Variants in CAPN11 observed in about 807,000 individuals in gnomAD.
CAPN11 encodes calpain 11, also known as calpain-11.
A neutral mutation model predicts 105.3 loss-of-function variants in CAPN11; 108 were observed. That is an observed-to-expected ratio of 1.03 (90% confidence interval 0.88 to 1.20). The LOEUF (loss-of-function observed/expected upper bound fraction) is 1.20, where lower values mean the gene tolerates loss of function less well. CAPN11 is among the 50% of genes most tolerant of loss of function. The probability of loss-of-function intolerance (pLI) is 0.00; values close to 1 mark genes in which losing one functional copy is unlikely to be tolerated. For synonymous variants in CAPN11, 329 were observed against 344.5 expected (o/e 0.96, Z 0.50); for missense variants, 883 against 924.8 (o/e 0.95, Z 0.59).
At chr6:44,179,308 T>C (rs955436161) in intron 12 of CAPN11, among the ~76,000 whole-genome samples, 1 of 151,878 alleles carries the variant, frequency 6.6e-6, no homozygotes, top group Non-Finnish European at 1.5e-5. Flanking sequence ...AGGAATTTTT[T>C]TTTTTTTTTT....
intron 1 of CAPN11, among the ~76,000 whole-genome samples, chr6:44,159,396 G>A (rs1321877359): frequency 1.3e-5 from 2 of 152,090 alleles, no homozygotes; most frequent in Admixed American, 6.5e-5. Context: ...GAGTGGGCTG[G>A]GGGGAAGGGG....
chr6:44,183,257 T>C (rs1364774715), intron 21 of CAPN11, 22 bp downstream of exon 21: 1 of 1,511,374 alleles, frequency 6.6e-7, no homozygotes, highest in Non-Finnish European at 9.2e-7. Flanking sequence ...ATCTACCCAC[T>C]CCCCAGCCTA....
chr6:44,169,258 TTC>T, intron 2 of CAPN11, 21 bp from the exon 3 acceptor site: 1 of 1,587,920 alleles, frequency 6.3e-7, no homozygotes, highest in Non-Finnish European at 8.6e-7. Context: ...CTTGCGTTAT[TTC>T]TCTTTTTTTT....
chr6:44,178,815 C>T (rs915789552), intron 12 of CAPN11, among the ~76,000 whole-genome samples: 1 of 150,830 alleles, frequency 6.6e-6, no homozygotes, highest in Admixed American at 6.6e-5. Flanking sequence ...CCCAGCTACT[C>T]GAGAAGCTGA....
In CAPN11 at chr6:44,173,001, A is replaced by G; in HGVS notation, c.590A>G (p.Asp197Gly). 1 of 1,613,150 alleles carries G rather than the reference A, an allele frequency of 6.2e-7. No homozygotes were observed. Among genetic ancestry groups the G allele is most frequent in the Non-Finnish European group, 8.5e-7 (1 of 1,179,538 alleles). The change falls in exon 6 of 23, where the codon GAC (aspartate) becomes GGC (glycine). Residue 197 changes from aspartate to glycine, a missense_variant. Physicochemically the swap from Asp to Gly is moderately conservative, Grantham distance 94. Transcript: ENST00000398776. ...VVDDRLPTKNDKLVFVHSTER... is the reference protein window; with the variant it reads ...VVDDRLPTKNGKLVFVHSTER... Reference sequence around the variant, plus strand: ...GATGACCGGCTGCCCACAAAGAATGACAAGCTGGTGTTTGTGCACTCAACC... The same window carrying G: ...GATGACCGGCTGCCCACAAAGAATGGCAAGCTGGTGTTTGTGCACTCAACC...
At chr6:44,166,919 G>A in intron 2 of CAPN11, 90 bp downstream of exon 2, 2 of 789,006 alleles carry the variant, frequency 2.5e-6, no homozygotes, top group South Asian at 2.9e-5. Flanking sequence ...TGCTGGTGGG[G>A]GAAGTCAGTC....
rs751249452 is a variant in CAPN11, at chr6:44,172,305, A to ACTGCTGG, written c.425_431dup (p.Ile145GlyfsTer48). ...AAAGCCCTGCCTGTCTTTCCAGGGG[A>ACTGCTGG]CTGCTGGCTGCTGGCTGCCATCGGC... On this transcript the variant is annotated frameshift_variant, in exon 5 of 23. Coordinates refer to ENST00000398776, the MANE Select transcript of CAPN11 (RefSeq NM_007058.4). LOFTEE classifies it high-confidence loss of function. The ACTGCTGG allele has an allele frequency of 4.8e-6, 7 of 1,469,046 alleles. No individual in the cohort carries two copies. The highest frequency in any genetic ancestry group is 3.0e-5 in the African/African-American group (2 of 67,702). 91.0% of individuals were successfully genotyped at this position (1,469,046 alleles called of 1,614,324 possible).
At chr6:44,159,108 G>C (rs1768223520) in intron 1 of CAPN11, among the ~76,000 whole-genome samples, 1 of 149,484 alleles carries the variant, frequency 6.7e-6, no homozygotes, top group Non-Finnish European at 1.5e-5. Context: ...GCCACTGGTG[G>C]TCAGACTGGG....
At chr6:44,177,034 G>T in intron 11 of CAPN11, 36 bp downstream of exon 11, 1 of 1,602,436 alleles carries the variant, frequency 6.2e-7, no homozygotes. Context: ...GGTGTGCAGG[G>T]AGTGAAGGAT....
chr6:44,166,667 C>A, intron 1 of CAPN11, 91 bp from the exon 2 acceptor site: 2 of 970,502 alleles, frequency 2.1e-6, no homozygotes, highest in Non-Finnish European at 3.2e-6. Flanking sequence ...TTTCCTCATT[C>A]TAAAATCTTC....
chr6:44,178,436 C>G (rs1042754864), intron 12 of CAPN11, among the ~76,000 whole-genome samples: 12 of 152,120 alleles, frequency 7.9e-5, no homozygotes, highest in Non-Finnish European at 7.3e-5. Context: ...TCCACATTCT[C>G]CAAAAGAATG....
At chr6:44,172,472 T>A (rs1304871544) in intron 5 of CAPN11, 52 bp downstream of exon 5, 1 of 1,098,470 alleles carries the variant, frequency 9.1e-7, no homozygotes, top group Non-Finnish European at 1.3e-6. Context: ...GGGGGAAGAA[T>A]CATATATGCT....
intron 4 of CAPN11, among the ~76,000 whole-genome samples, chr6:44,171,685 T>A (rs1026793564): frequency 8.0e-5 from 12 of 150,820 alleles, no homozygotes; most frequent in South Asian, 4.2e-4. Context: ...AAATTTACTT[T>A]AAAAAAAAAT....
rs1364774715 is a variant in CAPN11, at chr6:44,183,257, T to A, written c.2134+22T>A. On this transcript the variant is annotated intron_variant, in intron 21 of 22. Coordinates refer to ENST00000398776, the MANE Select transcript of CAPN11 (RefSeq NM_007058.4). ...TTCAGTGAGTTAGGCATCTACCCAC[T>A]CCCCAGCCTAGGCCAGGGGCCGCGG... 3 of 1,511,380 alleles carry A rather than the reference T, an allele frequency of 2.0e-6. No individual in the cohort carries two copies. The Admixed American group carries it at 5.0e-5, about 25-fold the overall frequency. The allele number at this position is 1,511,380 out of a possible 1,614,324, so 93.6% of individuals were successfully genotyped here.
intron 1 of CAPN11, among the ~76,000 whole-genome samples, chr6:44,164,049 T>C (rs141410597): frequency 2.4e-3 from 369 of 152,202 alleles, no homozygotes; most frequent in Non-Finnish European, 3.9e-3. Context: ...CTCACCATGT[T>C]CCCCTTGCTG....
rs1210212410 is a variant in CAPN11, at chr6:44,178,749, TTAA to T, written c.1417-869_1417-867del. ...GCAACACAGCAAGACCCTGTCTCGA[TTAA>T]AAAAAAAAAAAAAAAAAAAAATTAG... On this transcript the variant is annotated intron_variant, in intron 12 of 22. Transcript: ENST00000398776. Among the ~76,000 whole-genome samples the T allele has an allele frequency of 9.7e-4, 68 of 70,276 alleles. 1 individual carries two copies. Among genetic ancestry groups the T allele is most frequent in the Middle Eastern group, 0.016 (2 of 122 alleles). The allele number at this position is 70,276 out of a possible 152,430, so 46.1% of individuals were successfully genotyped here.
intron 19 of CAPN11, among the ~76,000 whole-genome samples, chr6:44,182,479 C>G (rs1358821379): frequency 1.3e-5 from 2 of 152,254 alleles, no homozygotes; most frequent in African/African-American, 4.8e-5. Context: ...CCCGACAACC[C>G]ATGCTTGGAA....
chr6:44,167,519 A>C (rs1770147228), intron 2 of CAPN11, among the ~76,000 whole-genome samples: 1 of 149,514 alleles, frequency 6.7e-6, no homozygotes, highest in Non-Finnish European at 1.5e-5. Context: ...AAAAAAAAAA[A>C]AATAGCAGCA....
chr6:44,162,523 C>T (rs556697046), intron 1 of CAPN11, among the ~76,000 whole-genome samples: 2 of 152,028 alleles, frequency 1.3e-5, no homozygotes, highest in Non-Finnish European at 2.9e-5. Flanking sequence ...GAGAAAAGAG[C>T]GAGGAGAACT....
Sources: gnomAD v4.1 joint callset for allele counts (sites outside exome capture counted in the v4.1 genomes callset) on GRCh38, gnomAD v4.1.1 for gene constraint, MANE v1.5 for transcripts, NCBI Gene and HGNC (gene_info 2026-07-23, HGNC 2026-07-21) for gene names.